Variants in OTUD7B observed in about 807,000 individuals in gnomAD.
OTUD7B encodes OTU domain-containing protein 7B.
OTUD7B carries 34 observed loss-of-function variants against 82.2 expected under a neutral mutation model. The ratio of observed to expected loss-of-function variants is 0.41; its 90% CI spans 0.31 to 0.55. The LOEUF (loss-of-function observed/expected upper bound fraction) is 0.55. Among genes scored for constraint, OTUD7B ranks in the 20% least tolerant of loss-of-function variants. The pLI, the probability that OTUD7B is intolerant of heterozygous loss-of-function variation, is 0.20. For synonymous variants in OTUD7B, 398 were observed against 402.7 expected (o/e 0.99, Z 0.14); for missense variants, 944 against 1,062.1 (o/e 0.89, Z 1.55).
chr1:150,057,196 A>G, the OTUD7B span, among the ~76,000 whole-genome samples: 1 of 151,952 alleles, frequency 6.6e-6, no homozygotes, highest in Admixed American at 6.5e-5. Flanking sequence ...CGGATATTCT[A>G]CGAAACAACT....
intron 1 of OTUD7B, among the ~76,000 whole-genome samples, chr1:149,985,626 T>C (rs1206654645): frequency 6.6e-6 from 1 of 151,904 alleles, no homozygotes; most frequent in Non-Finnish European, 1.5e-5. Context: ...TGCACTCCTG[T>C]AGTCCCAGCT....
the OTUD7B span, among the ~76,000 whole-genome samples, chr1:150,040,401 C>T: frequency 1.3e-5 from 2 of 152,172 alleles, no homozygotes; most frequent in Non-Finnish European, 2.9e-5. Flanking sequence ...ATGATTCCTA[C>T]CCTCATGGAG....
intron 1 of OTUD7B, among the ~76,000 whole-genome samples, chr1:150,008,543 T>C (rs1553786643): frequency 6.6e-6 from 1 of 152,246 alleles, no homozygotes; most frequent in African/African-American, 2.4e-5. Context: ...AGCCAGCTCT[T>C]GCTTTGGCAA....
chr1:150,049,977 T>G, the OTUD7B span, among the ~76,000 whole-genome samples: 1 of 152,100 alleles, frequency 6.6e-6, no homozygotes, highest in African/African-American at 2.4e-5. Context: ...TTTGGGAGGC[T>G]GAGGCAGGAA....
chr1:150,048,456 T>A, the OTUD7B span: 1 of 152,108 alleles, frequency 6.6e-6, no homozygotes, highest in Non-Finnish European at 1.5e-5. Flanking sequence ...GGCTCATACC[T>A]GTAATCCCAG....
rs782593016 is a variant in OTUD7B, at chr1:149,967,467, G to A, written c.329C>T (p.Ala110Val). Residue 110 changes from alanine (A) to valine (V), a missense_variant, in exon 4 of 12, where the codon GCC becomes GTC. Around this residue, in one of 3 missense-constraint regions of OTUD7B, gnomAD observed 530 missense variants for 625.6 expected, o/e 0.85. Transcript: ENST00000581312. ...SHASSSIVSL[A>V]RSHVSSNGGG... ...ACCATTGGAGGAGACATGGGACCGG[G>A]CCAGGGAAACAATGCTGGAGCTGGC... 1.2e-6 allele frequency: 2 copies of A among 1,613,864 alleles called. No homozygotes were observed. Among genetic ancestry groups the A allele is most frequent in the Admixed American group, 1.7e-5 (1 of 59,990 alleles).
intron 4 of OTUD7B, 81 bp downstream of exon 4, chr1:149,967,213 C>T (rs587621310): frequency 1.8e-4 from 169 of 915,264 alleles, no homozygotes; most frequent in Middle Eastern, 5.2e-4. Context: ...TGGAAGCTAG[C>T]GATCAAGTCC....
the OTUD7B span, chr1:150,047,971 T>C: frequency 6.6e-6 from 1 of 152,100 alleles, no homozygotes; most frequent in Non-Finnish European, 1.5e-5. Flanking sequence ...AAAATTCATT[T>C]AATTTAAACA....
At chr1:150,031,368 AT>A in the OTUD7B span, among the ~76,000 whole-genome samples, 6 of 152,150 alleles carry the variant, frequency 3.9e-5, no homozygotes, top group Admixed American at 2.0e-4. Flanking sequence ...TTCTACTGCC[AT>A]AAAATTTACC....
At chr1:150,013,937 A>T (rs4926401), upstream of OTUD7B, among the ~76,000 whole-genome samples, 97 of 81,796 alleles carry the variant, frequency 1.2e-3, 7 homozygotes, top group African/African-American at 2.5e-3. Context: ...AAAAAAAAAT[A>T]ATATATATAT....
upstream of OTUD7B, among the ~76,000 whole-genome samples, chr1:150,013,937 A>AAAT (rs1343558056): frequency 1.2e-3 from 98 of 81,828 alleles, 7 homozygotes; most frequent in African/African-American, 1.7e-3. Context: ...AAAAAAAAAT[A>AAAT]ATATATATAT....
chr1:150,058,911 A>C, the OTUD7B span, among the ~76,000 whole-genome samples: 1 of 152,140 alleles, frequency 6.6e-6, no homozygotes. Context: ...TTTCTTTTAC[A>C]ATAAATTTCT....
At chr1:150,012,393 G>A (rs1653118115), upstream of OTUD7B, among the ~76,000 whole-genome samples, 1 of 152,106 alleles carries the variant, frequency 6.6e-6, no homozygotes, top group Admixed American at 6.5e-5. Context: ...AAACATTCTG[G>A]AATGATTGTG....
At chr1:150,015,131 TTGG>T (rs1287913972), upstream of OTUD7B, among the ~76,000 whole-genome samples, 1 of 152,154 alleles carries the variant, frequency 6.6e-6, no homozygotes, top group Admixed American at 6.5e-5. Context: ...AATGAATGAA[TTGG>T]CAGCCATTTG....
chr1:150,018,975 GCA>G, the OTUD7B span, among the ~76,000 whole-genome samples: 1 of 152,090 alleles, frequency 6.6e-6, no homozygotes, highest in African/African-American at 2.4e-5. Context: ...TAAAATTAAA[GCA>G]CAGTCTAGTG....
the OTUD7B span, chr1:150,053,856 CT>C: frequency 0.019 from 5,768 of 306,300 alleles, 89 homozygotes; most frequent in Non-Finnish European, 0.024. Flanking sequence ...TCTTTTCCAT[CT>C]TACAAGATGG....
intron 1 of OTUD7B, among the ~76,000 whole-genome samples, chr1:149,992,545 G>A (rs1260102407): frequency 1.6e-5 from 2 of 126,848 alleles, no homozygotes; most frequent in East Asian, 2.6e-4. Context: ...GTGCAATCTC[G>A]GCTCACTGCA....
intron 1 of OTUD7B, among the ~76,000 whole-genome samples, chr1:150,000,474 T>TA (rs1185266466): frequency 6.8e-6 from 1 of 146,240 alleles, no homozygotes; most frequent in African/African-American, 2.5e-5. Flanking sequence ...GACCCTGTCT[T>TA]AAAAAAAGAA....
At chr1:149,991,034 C>G (rs1158741279) in intron 1 of OTUD7B, among the ~76,000 whole-genome samples, 1 of 151,960 alleles carries the variant, frequency 6.6e-6, no homozygotes, top group Non-Finnish European at 1.5e-5. Context: ...ACCCAGATAG[C>G]ACAGAGGTTG....
Sources: allele counts gnomAD v4.1 joint callset (sites outside exome capture counted in the v4.1 genomes callset), GRCh38; gene constraint gnomAD v4.1.1; regional missense constraint gnomAD v4.1.1; transcripts MANE v1.5; gene names NCBI Gene and HGNC (gene_info 2026-07-23, HGNC 2026-07-21).